SERPINI1: variants seen among roughly 807,000 people sequenced by gnomAD.
SERPINI1 encodes the protein serpin family I member 1.
Under a neutral mutation model 41.1 loss-of-function variants are expected in SERPINI1, and 19 were observed. The ratio of observed to expected loss-of-function variants is 0.46; its 90% CI spans 0.32 to 0.68. The LOEUF is 0.68. Ranked by LOEUF, SERPINI1 falls within the 30% of genes least tolerant of loss-of-function variation. The pLI is 0.03. For synonymous variants in SERPINI1, 138 were observed against 156.6 expected, an observed-to-expected ratio of 0.88 and a Z score of 0.89; for missense variants, 460 against 479.2, an observed-to-expected ratio of 0.96 and a Z score of 0.37.
chr3:167,772,893 T>TATATATATACAC (rs1391850018), intron 1 of SERPINI1, among the ~76,000 whole-genome samples: 15 of 52,238 alleles, frequency 2.9e-4, no homozygotes, highest in Admixed American at 9.8e-4. Context: ...TATATATATA[T>TATATATATACAC]ACACACACAC....
intron 1 of SERPINI1, among the ~76,000 whole-genome samples, chr3:167,778,283 A>C (rs1727021983): frequency 6.6e-6 from 1 of 152,198 alleles, no homozygotes; most frequent in African/African-American, 2.4e-5. Flanking sequence ...AAGCCAATAC[A>C]CTAAGACAAC....
At chr3:167,802,099 T>A (rs1727917860) in intron 5 of SERPINI1, among the ~76,000 whole-genome samples, 1 of 151,988 alleles carries the variant, frequency 6.6e-6, no homozygotes, top group African/African-American at 2.4e-5. Context: ...CTGGATCCCT[T>A]CCTTACACCT....
At chr3:167,745,809 G>A (rs1285946146) in intron 1 of SERPINI1, among the ~76,000 whole-genome samples, 3 of 151,946 alleles carry the variant, frequency 2.0e-5, no homozygotes, top group Non-Finnish European at 4.4e-5. Context: ...ACTTAAAACA[G>A]CATAAAAAGG....
chr3:167,819,879 G>A (rs891299333), intron 6 of SERPINI1, among the ~76,000 whole-genome samples: 3 of 152,144 alleles, frequency 2.0e-5, no homozygotes, highest in African/African-American at 7.2e-5. Context: ...TTGAAAGAGG[G>A]GTTATAAATT....
intron 1 of SERPINI1, among the ~76,000 whole-genome samples, chr3:167,784,704 T>C (rs1485477914): frequency 1.3e-5 from 2 of 152,296 alleles, no homozygotes; most frequent in East Asian, 3.9e-4. Flanking sequence ...CTCACTATTA[T>C]GAGAACAGCA....
chr3:167,772,864 C>CTCTCTCTATATATATATATATA (rs1374013676), intron 1 of SERPINI1, among the ~76,000 whole-genome samples: 4 of 24,654 alleles, frequency 1.6e-4, no homozygotes, highest in Non-Finnish European at 1.9e-4. Context: ...CTCTCTCTCT[C>CTCTCTCTATATATATATATATA]TATATATATA....
At chr3:167,794,548 T>C (rs1015257989) in intron 4 of SERPINI1, 72 bp from the exon 5 acceptor site, 4 of 1,239,946 alleles carry the variant, frequency 3.2e-6, no homozygotes, top group African/African-American at 3.0e-5. Flanking sequence ...AAATATGTAG[T>C]CTTTCATCTC....
chr3:167,757,152 T>A (rs1276058077), intron 1 of SERPINI1, among the ~76,000 whole-genome samples: 1 of 152,178 alleles, frequency 6.6e-6, no homozygotes. Flanking sequence ...GGAAGGAATC[T>A]GAAAGATCAA....
chr3:167,786,424 C>T (rs1461381460), intron 1 of SERPINI1, among the ~76,000 whole-genome samples: 4 of 146,774 alleles, frequency 2.7e-5, no homozygotes, highest in East Asian at 2.0e-4. Context: ...AGGAGAAAGG[C>T]GTGAACCCGG....
intron 5 of SERPINI1, among the ~76,000 whole-genome samples, chr3:167,803,212 CA>C (rs944690886): frequency 7.9e-5 from 12 of 151,702 alleles, no homozygotes; most frequent in Admixed American, 3.3e-4. Flanking sequence ...ACCAGCATGG[CA>C]CATGTATACA....
At chr3:167,796,897 G>T (rs546881247) in intron 5 of SERPINI1, among the ~76,000 whole-genome samples, 10 of 152,198 alleles carry the variant, frequency 6.6e-5, no homozygotes, top group African/African-American at 2.4e-4. Flanking sequence ...GGGATTGCTG[G>T]GTCAAATGGT....
chr3:167,807,414 T>C (rs1711686806), intron 6 of SERPINI1, 73 bp downstream of exon 6: 2 of 990,952 alleles, frequency 2.0e-6, no homozygotes, highest in South Asian at 2.7e-5. Context: ...TTAAATCCTC[T>C]ATTTACTATG....
intron 1 of SERPINI1, among the ~76,000 whole-genome samples, chr3:167,773,168 G>T (rs1317681001): frequency 6.6e-6 from 1 of 151,548 alleles, no homozygotes; most frequent in Non-Finnish European, 1.5e-5. Context: ...ACTATACCAG[G>T]GCAGTGAATG....
intron 1 of SERPINI1, among the ~76,000 whole-genome samples, chr3:167,753,689 A>T (rs897876950): frequency 3.3e-5 from 5 of 152,208 alleles, no homozygotes; most frequent in Non-Finnish European, 5.9e-5. Context: ...TGAAGAATAT[A>T]TCATATTCCT....
At chr3:167,798,411 C>T (rs1727782117) in intron 5 of SERPINI1, among the ~76,000 whole-genome samples, 1 of 152,142 alleles carries the variant, frequency 6.6e-6, no homozygotes, top group African/African-American at 2.4e-5. Flanking sequence ...AACAGAATGG[C>T]TCTTTTCAAA....
intron 1 of SERPINI1, among the ~76,000 whole-genome samples, chr3:167,773,776 A>T (rs961653442): frequency 5.9e-5 from 9 of 152,186 alleles, no homozygotes; most frequent in African/African-American, 2.2e-4. Flanking sequence ...TGTCAGGGAA[A>T]TTTTTTTAAG....
At chr3:167,787,765 A>C (rs1159576460) in intron 1 of SERPINI1, among the ~76,000 whole-genome samples, 1 of 152,238 alleles carries the variant, frequency 6.6e-6, no homozygotes, top group Non-Finnish European at 1.5e-5. Flanking sequence ...GTGAGGGCAG[A>C]GGACGTTGGA....
intron 1 of SERPINI1, among the ~76,000 whole-genome samples, chr3:167,757,405 A>G (rs1014863364): frequency 1.3e-5 from 2 of 152,240 alleles, no homozygotes; most frequent in African/African-American, 4.8e-5. Flanking sequence ...TTGGTGTTAC[A>G]TAGGAATTTC....
At chr3:167,807,601 G>A (rs1412767914) in intron 6 of SERPINI1, among the ~76,000 whole-genome samples, 1 of 152,050 alleles carries the variant, frequency 6.6e-6, no homozygotes, top group Admixed American at 6.6e-5. Context: ...AACATCTTTG[G>A]ATTCCCCATC....
Sources: gnomAD v4.1 joint callset for allele counts (sites outside exome capture counted in the v4.1 genomes callset) on GRCh38, gnomAD v4.1.1 for gene constraint, MANE v1.5 for transcripts, NCBI Gene and HGNC (gene_info 2026-07-23, HGNC 2026-07-21) for gene names.